UBQLN1: variants seen among roughly 807,000 people sequenced by gnomAD.
The protein encoded by UBQLN1 is ubiquilin-1.
UBQLN1 carries 13 observed loss-of-function variants against 65.4 expected under a neutral mutation model. That is an observed-to-expected ratio of 0.20 (90% CI 0.13 to 0.32). The LOEUF is 0.32. UBQLN1 is among the 10% of genes least tolerant of loss of function. The probability of loss-of-function intolerance (pLI) is 1.00; values close to 1 mark genes in which losing one functional copy is unlikely to be tolerated. For missense variants in UBQLN1, 561 were observed against 724.0 expected, an observed-to-expected ratio of 0.77 and a Z score of 2.58; for synonymous variants, 267 against 247.8, an observed-to-expected ratio of 1.08 and a Z score of -0.73.
chr9:83,685,058 G>A (rs940959786), intron 2 of UBQLN1, among the ~76,000 whole-genome samples: 2 of 152,042 alleles, frequency 1.3e-5, no homozygotes, highest in African/African-American at 2.4e-5. Context: ...CATATGTAAC[G>A]GGCTTAATTA....
Position 83,667,807 on chromosome 9 carries a change from AAAG to A in UBQLN1, c.1248+1375_1249-1375del, listed in dbSNP as rs1229506766. ...AGTCTTTTTAAATATTTAAAAATCA[AAAG>A]AATAGAAAAACCACAAATTTTAATC... On this transcript the variant is annotated intron_variant, in intron 7 of 10. Coordinates refer to ENST00000376395, the MANE Select transcript of UBQLN1 (RefSeq NM_013438.5). 2.9e-5 allele frequency: 28 copies of A among 974,204 alleles called. No homozygotes were observed. In the South Asian group the frequency reaches 3.8e-4, roughly 13 times the overall value. 60.3% of individuals were successfully genotyped at this position (974,204 alleles called of 1,614,324 possible). A position where few individuals can be genotyped will look rare whatever the true frequency, so the allele number is the denominator to read the frequency against.
intron 1 of UBQLN1, among the ~76,000 whole-genome samples, chr9:83,705,896 A>G (rs1832396011): frequency 6.6e-6 from 1 of 152,004 alleles, no homozygotes; most frequent in African/African-American, 2.4e-5. Context: ...ATCCCATTTA[A>G]TGTTAAGTTC....
intron 1 of UBQLN1, among the ~76,000 whole-genome samples, chr9:83,704,245 T>A (rs890077096): frequency 1.3e-5 from 2 of 152,238 alleles, no homozygotes; most frequent in Non-Finnish European, 2.9e-5. Context: ...ACAGTTTCAA[T>A]CAAACCCTTT....
intron 1 of UBQLN1, among the ~76,000 whole-genome samples, chr9:83,695,057 A>G (rs555723666): frequency 1.3e-3 from 202 of 152,270 alleles, no homozygotes; most frequent in Admixed American, 2.8e-3. Context: ...AACGAGTAAG[A>G]TAAAGAAAAT....
chr9:83,691,719 G>A (rs745872007), intron 1 of UBQLN1, among the ~76,000 whole-genome samples: 2 of 152,178 alleles, frequency 1.3e-5, no homozygotes, highest in Non-Finnish European at 2.9e-5. Flanking sequence ...GAGAAATCAC[G>A]TTCACTCACA....
chr9:83,679,141 T>TC (rs907792791), intron 4 of UBQLN1, among the ~76,000 whole-genome samples: 2 of 151,942 alleles, frequency 1.3e-5, no homozygotes, highest in South Asian at 2.1e-4. Context: ...GGGGCCAGTT[T>TC]CCCCCCCAAA....
chr9:83,690,499 G>C (rs1231252200), intron 1 of UBQLN1, among the ~76,000 whole-genome samples: 2 of 152,138 alleles, frequency 1.3e-5, no homozygotes, highest in Non-Finnish European at 2.9e-5. Context: ...ACACGAACCT[G>C]TACATTTATG....
chr9:83,690,564 G>A (rs1339572150), intron 1 of UBQLN1, among the ~76,000 whole-genome samples: 1 of 152,134 alleles, frequency 6.6e-6, no homozygotes, highest in Admixed American at 6.6e-5. Context: ...AAAGTTGGCT[G>A]TGAACTTTTA....
intron 1 of UBQLN1, among the ~76,000 whole-genome samples, chr9:83,705,126 T>C (rs4454364): frequency 0.28 from 41,872 of 152,026 alleles, 7,069 homozygotes; most frequent in East Asian, 0.85. Context: ...TTACAGAGAC[T>C]GACAATATCA....
In UBQLN1 at chr9:83,661,735, T is replaced by G; in HGVS notation, c.*52A>C. Reference sequence around the variant, plus strand: ...GAAATAAAGCAGGTATTTTAAAGTTTAAGAGCCGTTATCAAAAATAAATTA... The same window carrying G: ...GAAATAAAGCAGGTATTTTAAAGTTGAAGAGCCGTTATCAAAAATAAATTA... On this transcript the variant is annotated 3_prime_UTR_variant, in exon 11 of 11. Coordinates refer to ENST00000376395, the MANE Select transcript of UBQLN1 (RefSeq NM_013438.5). 2.6e-6 allele frequency: 4 copies of G among 1,549,424 alleles called. No homozygotes were observed. The highest frequency in any genetic ancestry group is 3.5e-6 in the Non-Finnish European group (4 of 1,145,802).
chr9:83,665,131 A>G lies in UBQLN1; in HGVS notation c.1347T>C (p.Asp449=). Residue 449 remains aspartate (D), a synonymous_variant, in exon 9 of 11, where the codon GAT becomes GAC. Coordinates refer to ENST00000376395, the MANE Select transcript of UBQLN1 (RefSeq NM_013438.5). ...TAGGGTTTGACATTGCTGATAGTGT[A>G]TCAGGATTCTGCATCTAAGGAAGAA... ...PTFLQQMQNP[D]TLSAMSNPRA... The G allele has an allele frequency of 2.5e-6, 4 of 1,608,906 alleles. No individual in the cohort carries two copies. The highest frequency in any genetic ancestry group is 3.4e-6 in the Non-Finnish European group (4 of 1,178,444).
At chr9:83,668,786 AT>A in intron 7 of UBQLN1, 1 of 292,576 alleles carries the variant, frequency 3.4e-6, no homozygotes, top group Non-Finnish European at 5.1e-6. Context: ...GAGCATGACT[AT>A]TATAATCTGA....
intron 1 of UBQLN1, among the ~76,000 whole-genome samples, chr9:83,696,673 A>C (rs1832221406): frequency 6.6e-6 from 1 of 152,106 alleles, no homozygotes; most frequent in African/African-American, 2.4e-5. Flanking sequence ...AACTAGGTAC[A>C]AAATATTGCA....
At position 83,682,985 on chromosome 9, in the gene UBQLN1, T is replaced by C; in HGVS notation, c.414A>G (p.Thr138=). The change falls in exon 3 of 11, where the codon ACA becomes ACG. Residue 138 remains threonine, a synonymous_variant. Transcript: ENST00000376395. ...TTSSTPNSNS[T]SGSATSNPFG... is the part of the protein sequence containing the mutation. ...AAGGGTTGCTAGTAGCAGAACCAGA[T>C]GTAGAGTTACTATTAGGAGTTGATG... The C allele has an allele frequency of 6.2e-7, 1 of 1,612,438 alleles. No individual in the cohort carries two copies. The highest frequency in any genetic ancestry group is 8.5e-7 in the Non-Finnish European group (1 of 1,179,356).
chr9:83,688,424 T>G (rs1250984161), intron 1 of UBQLN1, among the ~76,000 whole-genome samples: 1 of 152,180 alleles, frequency 6.6e-6, no homozygotes, highest in Non-Finnish European at 1.5e-5. Flanking sequence ...AAAACTAGAT[T>G]TGTGTTTCTT....
In UBQLN1 at chr9:83,683,082, A is replaced by C. The variant is rs780343778; in HGVS notation, c.333-16T>G. On this transcript the variant is annotated splice_polypyrimidine_tract_variant and intron_variant, in intron 2 of 10. Coordinates refer to ENST00000376395, the MANE Select transcript of UBQLN1 (RefSeq NM_013438.5). ...ATCCTGAGGCCTAGGGAAAATAATT[A>C]ATCACAGAGTAAGCAGTAGAGCTGA... 1 of 1,564,038 alleles carries C rather than the reference A, an allele frequency of 6.4e-7. No homozygotes were observed. The highest frequency in any genetic ancestry group is 1.4e-5 in the African/African-American group (1 of 73,950).
At chr9:83,693,001 A>C (rs889111594) in intron 1 of UBQLN1, among the ~76,000 whole-genome samples, 2 of 152,224 alleles carry the variant, frequency 1.3e-5, no homozygotes, top group Non-Finnish European at 2.9e-5. Context: ...CTATTAACTC[A>C]AAATGAAAGA....
chr9:83,681,015 G>C (rs1409731269), intron 3 of UBQLN1, among the ~76,000 whole-genome samples: 1 of 152,212 alleles, frequency 6.6e-6, no homozygotes, highest in African/African-American at 2.4e-5. Flanking sequence ...GATTATGCCA[G>C]CTAAAGGAAG....
chr9:83,677,998 C>G (rs1042923534), intron 5 of UBQLN1, 37 bp from the exon 6 acceptor site: 1 of 1,407,008 alleles, frequency 7.1e-7, no homozygotes, highest in Non-Finnish European at 9.7e-7. Context: ...AAAGAATAAG[C>G]TTTTGTTTTA....
Sources: allele counts gnomAD v4.1 joint callset (sites outside exome capture counted in the v4.1 genomes callset), GRCh38; gene constraint gnomAD v4.1.1; transcripts MANE v1.5; gene names NCBI Gene and HGNC (gene_info 2026-07-23, HGNC 2026-07-21).